Variants in NHSL2 observed in about 807,000 individuals in gnomAD.
NHSL2 encodes NHS-like protein 2.
NHSL2 carries 27 observed loss-of-function variants against 53.4 expected under a neutral mutation model. The ratio of observed to expected loss-of-function variants is 0.51; its 90% confidence interval spans 0.37 to 0.70. The LOEUF is 0.70. Ranked by LOEUF, NHSL2 falls within the 30% of genes least tolerant of loss-of-function variation. The pLI, the probability that NHSL2 is intolerant of heterozygous loss-of-function variation, is 0.00. For missense variants in NHSL2, 892 were observed against 980.1 expected (o/e 0.91, Z 1.20); for synonymous variants, 408 against 404.1 (o/e 1.01, Z -0.12).
chrX:72,099,142 A>G (rs1417578929), intron 1 of NHSL2, among the ~76,000 whole-genome samples: 2 of 111,981 alleles, frequency 1.8e-5, no homozygotes, highest in African/African-American at 6.5e-5. Context: ...TAGAAAGTCT[A>G]GCACCACACT....
In NHSL2 at chrX:71,959,111, G is replaced by T. The variant is rs2041856345; in HGVS notation, c.280+47744G>T. 1.8e-5 allele frequency among the ~76,000 whole-genome samples: 2 copies of T among 112,229 alleles called. 1 individual carries two copies. Among genetic ancestry groups the T allele is most frequent in the South Asian group, 7.4e-4 (2 of 2,691 alleles). ...CACCATGAAGAATAAGTTGATCAAG[G>T]GTGGAAAAGAAAACTCAGGGCTTCA... is the stretch of plus-strand genomic sequence containing the variant. On this transcript the variant is annotated intron_variant, in intron 1 of 7. Coordinates refer to ENST00000633930, the MANE Select transcript of NHSL2 (RefSeq NM_001013627.3).
At chrX:71,930,643 A>C (rs1052556604) in intron 1 of NHSL2, among the ~76,000 whole-genome samples, 1 of 112,341 alleles carries the variant, frequency 8.9e-6, no homozygotes, top group Non-Finnish European at 1.9e-5. Flanking sequence ...GTCATATAAT[A>C]TGTAGTCTTT....
intron 1 of NHSL2, among the ~76,000 whole-genome samples, chrX:71,932,614 A>C (rs2041719167): frequency 9.0e-6 from 1 of 111,481 alleles, no homozygotes; most frequent in African/African-American, 3.3e-5. Flanking sequence ...AGAGAAATGG[A>C]GGAGGTTTCA....
intron 1 of NHSL2, among the ~76,000 whole-genome samples, chrX:72,098,226 G>A (rs935712989): frequency 8.9e-6 from 1 of 111,923 alleles, no homozygotes; most frequent in African/African-American, 3.2e-5. Context: ...ACCCTTGTGG[G>A]TTTTGAAGGA....
At chrX:72,101,006 T>A (rs915421252) in intron 1 of NHSL2, among the ~76,000 whole-genome samples, 1 of 109,826 alleles carries the variant, frequency 9.1e-6, no homozygotes, top group Non-Finnish European at 1.9e-5. Flanking sequence ...GTTCACAGCG[T>A]CTCATCACAC....
intron 1 of NHSL2, among the ~76,000 whole-genome samples, chrX:72,101,528 G>A (rs891000466): frequency 3.3e-4 from 36 of 110,472 alleles, no homozygotes; most frequent in African/African-American, 1.2e-3. Flanking sequence ...GGTGGCGGTC[G>A]CATGCCCACT....
intron 1 of NHSL2, among the ~76,000 whole-genome samples, chrX:71,953,966 C>T (rs776660552): frequency 1.4e-4 from 16 of 112,104 alleles, no homozygotes; most frequent in South Asian, 3.7e-4. Flanking sequence ...CGTTTTGCTC[C>T]TCACTCTCCC....
chrX:72,037,052 T>A (rs961244012), intron 1 of NHSL2, among the ~76,000 whole-genome samples: 1 of 111,956 alleles, frequency 8.9e-6, no homozygotes, highest in Non-Finnish European at 1.9e-5. Flanking sequence ...ATTTTTATCC[T>A]GGACATTTTG....
intron 1 of NHSL2, 46 bp downstream of exon 1, chrX:71,911,413 C>T: frequency 9.9e-7 from 1 of 1,006,575 alleles, no homozygotes; most frequent in Non-Finnish European, 1.3e-6. Flanking sequence ...TCTACCCCGC[C>T]TCTAGGGGCG....
chrX:72,086,075 C>A (rs1489881614), intron 1 of NHSL2, among the ~76,000 whole-genome samples: 1 of 111,943 alleles, frequency 8.9e-6, no homozygotes, highest in Non-Finnish European at 1.9e-5. Flanking sequence ...TTCTCTAGAG[C>A]TTTCCTAGCA....
intron 1 of NHSL2, among the ~76,000 whole-genome samples, chrX:72,052,983 G>A (rs767875015): frequency 5.2e-4 from 58 of 112,257 alleles, no homozygotes; most frequent in Non-Finnish European, 1.0e-3. Context: ...AAGGCAATAG[G>A]GATCTGATGA....
At chrX:72,059,583 C>T (rs930848496) in intron 1 of NHSL2, among the ~76,000 whole-genome samples, 4 of 112,012 alleles carry the variant, frequency 3.6e-5, no homozygotes, top group African/African-American at 1.3e-4. Context: ...CCTCATTTTA[C>T]TGGCAAATGT....
intron 1 of NHSL2, among the ~76,000 whole-genome samples, chrX:72,008,457 C>G (rs2042103194): frequency 8.9e-6 from 1 of 111,968 alleles, no homozygotes; most frequent in Admixed American, 9.4e-5. Flanking sequence ...GCACCCAGCA[C>G]CACCCCATGG....
chrX:72,096,179 G>C (rs1349970059), intron 1 of NHSL2, among the ~76,000 whole-genome samples: 1 of 111,242 alleles, frequency 9.0e-6, no homozygotes, highest in Non-Finnish European at 1.9e-5. Context: ...GGCCACTTAG[G>C]AGACTTCTGC....
At chrX:72,046,096 C>T (rs1027388417) in intron 1 of NHSL2, among the ~76,000 whole-genome samples, 1 of 112,292 alleles carries the variant, frequency 8.9e-6, no homozygotes, top group Non-Finnish European at 1.9e-5. Context: ...CGCATTGGTC[C>T]TGGGATGTTG....
At chrX:72,043,923 G>A (rs992450429) in intron 1 of NHSL2, among the ~76,000 whole-genome samples, 1 of 111,875 alleles carries the variant, frequency 8.9e-6, no homozygotes, top group South Asian at 3.7e-4. Flanking sequence ...GAAGGTGTGG[G>A]TTTGTTCTGC....
At chrX:71,943,922 T>C (rs922887320) in intron 1 of NHSL2, among the ~76,000 whole-genome samples, 12 of 112,248 alleles carry the variant, frequency 1.1e-4, no homozygotes, top group African/African-American at 3.6e-4. Context: ...CACAGGTGGC[T>C]GTTGCATCTT....
intron 1 of NHSL2, among the ~76,000 whole-genome samples, chrX:72,084,135 A>G (rs1250222749): frequency 8.9e-6 from 1 of 112,490 alleles, no homozygotes; most frequent in African/African-American, 3.2e-5. Context: ...TCACATTCCC[A>G]TCATTCACTT....
intron 4 of NHSL2, among the ~76,000 whole-genome samples, chrX:72,136,270 A>T (rs2042355128): frequency 8.9e-6 from 1 of 111,799 alleles, no homozygotes; most frequent in African/African-American, 3.3e-5. Context: ...CAGCTCTAAA[A>T]AATTTTTTTA....
Sources: allele counts gnomAD v4.1 joint callset (sites outside exome capture counted in the v4.1 genomes callset), GRCh38; gene constraint gnomAD v4.1.1; transcripts MANE v1.5; gene names NCBI Gene and HGNC (gene_info 2026-07-23, HGNC 2026-07-21).